Variants in DPYS observed in about 807,000 individuals in gnomAD.
DPYS encodes dihydropyrimidine amidohydrolase.
Under a neutral mutation model 50.3 loss-of-function variants are expected in DPYS, and 39 were observed. The observed-to-expected ratio is 0.78, with a 90% confidence interval of 0.60 to 1.01. The LOEUF is 1.01. DPYS is among the 50% of genes least tolerant of loss of function. The probability of loss-of-function intolerance (pLI) is 0.00; values close to 1 mark genes in which losing one functional copy is unlikely to be tolerated. For missense variants in DPYS, 659 were observed against 680.9 expected, an observed-to-expected ratio of 0.97 and a Z score of 0.36; for synonymous variants, 245 against 250.7, an observed-to-expected ratio of 0.98 and a Z score of 0.22.
At chr8:104,382,538 G>GTT (rs11388669) in intron 8 of DPYS, among the ~76,000 whole-genome samples, 2,265 of 128,226 alleles carry the variant, frequency 0.018, 48 homozygotes, top group African/African-American at 0.044. Flanking sequence ...CTTGGTCCCT[G>GTT]TTTTTTTTTT....
intron 7 of DPYS, chr8:104,420,715 A>AC (rs1319437745): frequency 6.6e-6 from 1 of 151,556 alleles, no homozygotes; most frequent in Non-Finnish European, 1.5e-5. Flanking sequence ...AAAAAAAAAA[A>AC]AACGATAAAA....
At chr8:104,430,200 T>C (rs1812905261) in intron 4 of DPYS, among the ~76,000 whole-genome samples, 2 of 152,196 alleles carry the variant, frequency 1.3e-5, no homozygotes, top group African/African-American at 4.8e-5. Context: ...TTAGGTCATA[T>C]GGAATTCAAC....
chr8:104,426,002 A>G (rs554416166), intron 6 of DPYS, among the ~76,000 whole-genome samples: 1 of 152,344 alleles, frequency 6.6e-6, no homozygotes, highest in South Asian at 2.1e-4. Flanking sequence ...TATATAGATT[A>G]TGAAAATCTG....
At chr8:104,404,132 CTATTAT>C (rs150161057) in intron 7 of DPYS, among the ~76,000 whole-genome samples, 1 of 151,804 alleles carries the variant, frequency 6.6e-6, no homozygotes, top group South Asian at 2.1e-4. Flanking sequence ...GATATCAATA[CTATTAT>C]TATTATTATT....
chr8:104,389,036 T>C (rs909309107), intron 8 of DPYS, among the ~76,000 whole-genome samples: 1 of 152,226 alleles, frequency 6.6e-6, no homozygotes, highest in Non-Finnish European at 1.5e-5. Context: ...ATGCCACCTA[T>C]GTACCAAGTA....
rs1167016696 is a variant in DPYS, at chr8:104,451,373, A to G, written c.296T>C (p.Ile99Thr). The G allele has an allele frequency of 3.1e-6, 5 of 1,614,090 alleles. No homozygotes were observed. Among genetic ancestry groups the G allele is most frequent in the African/African-American group, 2.7e-5 (2 of 74,942 alleles). The change falls in exon 2 of 10, where the codon ATT (isoleucine) becomes ACT (threonine). Residue 99 changes from isoleucine to threonine, a missense_variant. Coordinates refer to ENST00000351513, the MANE Select transcript of DPYS (RefSeq NM_001385.3). Reference sequence around the variant, plus strand: ...ACCTTTCTGAGGAATGGCGAAATCAATAATCATGGTGGTGCCTCCTGAGAG... The same window carrying G: ...ACCTTTCTGAGGAATGGCGAAATCAGTAATCATGGTGGTGCCTCCTGAGAG... Reference protein sequence around the residue: ...AALSGGTTMIIDFAIPQKGGS... With the variant: ...AALSGGTTMITDFAIPQKGGS...
intron 1 of DPYS, among the ~76,000 whole-genome samples, chr8:104,460,821 C>T (rs1037424646): frequency 2.6e-5 from 4 of 152,132 alleles, no homozygotes; most frequent in Non-Finnish European, 4.4e-5. Context: ...CATTAAACAG[C>T]CATTCAAGGA....
At chr8:104,391,295 G>A (rs1811379289) in intron 8 of DPYS, among the ~76,000 whole-genome samples, 1 of 152,196 alleles carries the variant, frequency 6.6e-6, no homozygotes, top group African/African-American at 2.4e-5. Context: ...TCTGGAAAAG[G>A]AGAGGTACAT....
At chr8:104,383,182 C>A (rs1477809810) in intron 8 of DPYS, among the ~76,000 whole-genome samples, 2 of 152,234 alleles carry the variant, frequency 1.3e-5, no homozygotes, top group African/African-American at 2.4e-5. Flanking sequence ...CCAGGCCAGG[C>A]ACATCAGAAT....
chr8:104,391,302 A>G (rs1811379461), intron 8 of DPYS, among the ~76,000 whole-genome samples: 1 of 152,240 alleles, frequency 6.6e-6, no homozygotes, highest in African/African-American at 2.4e-5. Context: ...AAGGAGAGGT[A>G]CATTTGAAAA....
intron 8 of DPYS, chr8:104,381,530 G>A: frequency 2.0e-6 from 1 of 503,570 alleles, no homozygotes; most frequent in South Asian, 2.0e-5. Flanking sequence ...TCAGACAGAG[G>A]CCCAGGGACA....
Position 104,443,330 on chromosome 8 carries a change from GGCTGAACATACTA to G in DPYS, c.793+905_793+917del, listed in dbSNP as rs1564106741. On this transcript the variant is annotated intron_variant, in intron 4 of 9. Transcript: ENST00000351513. ...CTTTAAGATGAGTATTTACATACTA[GGCTGAACATACTA>G]GGCTGAACCAGAGAACTGAGGCAAT... 2.2e-3 allele frequency among the ~76,000 whole-genome samples: 6 copies of G among 2,694 alleles called. No individual in the cohort carries two copies. In the Non-Finnish European group the frequency reaches 0.03, roughly 13 times the overall value. The allele number at this position is 2,694 out of a possible 152,430, so 1.8% of individuals were successfully genotyped here. A position where few individuals can be genotyped will look rare whatever the true frequency, so the allele number is the denominator to read the frequency against.
chr8:104,439,850 G>A (rs1813285265), intron 4 of DPYS, among the ~76,000 whole-genome samples: 1 of 152,174 alleles, frequency 6.6e-6, no homozygotes, highest in Non-Finnish European at 1.5e-5. Flanking sequence ...CCCAACTTCA[G>A]ATCAATTTCT....
intron 4 of DPYS, among the ~76,000 whole-genome samples, chr8:104,437,651 C>T (rs1336189643): frequency 1.3e-5 from 2 of 152,114 alleles, no homozygotes; most frequent in Non-Finnish European, 2.9e-5. Context: ...TAGAAATACC[C>T]AATCAGCAGC....
chr8:104,440,739 A>T (rs1813325097), intron 4 of DPYS, among the ~76,000 whole-genome samples: 1 of 152,070 alleles, frequency 6.6e-6, no homozygotes, highest in Non-Finnish European at 1.5e-5. Flanking sequence ...AGCCTGGGTG[A>T]CAGAGTGAGA....
chr8:104,383,706 A>T (rs1811127520), intron 8 of DPYS, among the ~76,000 whole-genome samples: 1 of 151,348 alleles, frequency 6.6e-6, no homozygotes, highest in Non-Finnish European at 1.5e-5. Flanking sequence ...TGTGCACACG[A>T]TTCTCATATC....
intron 1 of DPYS, among the ~76,000 whole-genome samples, chr8:104,465,658 T>G (rs1326683566): frequency 6.6e-6 from 1 of 152,116 alleles, no homozygotes; most frequent in African/African-American, 2.4e-5. Flanking sequence ...TGAAATATAC[T>G]AACACTAACG....
At chr8:104,414,662 T>C (rs1335368199) in intron 7 of DPYS, among the ~76,000 whole-genome samples, 5 of 152,208 alleles carry the variant, frequency 3.3e-5, no homozygotes, top group Non-Finnish European at 7.3e-5. Context: ...AAGGCCTTTA[T>C]AGGAAGACAA....
chr8:104,430,324 C>A (rs1337941269), intron 4 of DPYS, among the ~76,000 whole-genome samples: 2 of 151,112 alleles, frequency 1.3e-5, no homozygotes, highest in Non-Finnish European at 2.9e-5. Flanking sequence ...AAGTCTTAGC[C>A]AGAAATGCGT....
Sources: allele counts gnomAD v4.1 joint callset (sites outside exome capture counted in the v4.1 genomes callset), GRCh38; gene constraint gnomAD v4.1.1; transcripts MANE v1.5; gene names NCBI Gene and HGNC (gene_info 2026-07-23, HGNC 2026-07-21).